The following MUC5B variants were observed in gnomAD, a reference collection of about 807,000 sequenced individuals.
The protein encoded by MUC5B is mucin-5B.
A neutral mutation model predicts 376.9 loss-of-function variants in MUC5B; 116 were observed. That is an observed-to-expected ratio of 0.31 (90% CI 0.26 to 0.36). The LOEUF (loss-of-function observed/expected upper bound fraction) is 0.36, where lower values mean the gene tolerates loss of function less well. Ranked by LOEUF, MUC5B falls within the 10% of genes least tolerant of loss-of-function variation. The pLI is 1.00. For missense variants in MUC5B, 7,165 were observed against 7,769.9 expected (o/e 0.92, Z 2.93); for synonymous variants, 3,517 against 3,390.9 (o/e 1.04, Z -1.29).
Position 1,234,401 on chromosome 11 carries a change from C to A in MUC5B, c.2478+96C>A. On this transcript the variant is annotated intron_variant, in intron 20 of 48. Transcript: ENST00000529681. This position sits in a 1 kb window ranked among gnomAD's most constrained non-coding sequence, Gnocchi z 6.3. ...ATCTGGTGGTCCTGGAGACACTTAC[C>A]CACCTGGAAGCTCCGCCCTGGCCCA... 5 of 1,496,282 alleles carry A rather than the reference C, an allele frequency of 3.3e-6. No individual in the cohort carries two copies. Among genetic ancestry groups the A allele is most frequent in the Non-Finnish European group, 3.6e-6 (4 of 1,104,222 alleles). 92.7% of individuals were successfully genotyped at this position (1,496,282 alleles called of 1,614,324 possible).
rs766572085 is a variant in MUC5B at position 1,247,750 on chromosome 11, G to C, written c.10870G>C (p.Gly3624Arg). 12 of 1,607,016 alleles carry C rather than the reference G, an allele frequency of 7.5e-6. No individual in the cohort carries two copies. The South Asian group carries it at 1.3e-4, about 18-fold the overall frequency. The change falls in exon 31 of 49, where the codon GGT becomes CGT. Residue 3624 changes from glycine to arginine, a missense_variant. Physicochemically the swap from Gly to Arg is moderately radical, Grantham distance 125. Transcript: ENST00000529681. ...GLECRAQAQP[G>R]VPLRELGQVV... ...CGAGTGCCGTGCCCAGGCCCAGCCTGGTGTCCCCCTGCGGGAGTTGGGCCA... is the reference window on the plus strand; with the variant it reads ...CGAGTGCCGTGCCCAGGCCCAGCCTCGTGTCCCCCTGCGGGAGTTGGGCCA...
In MUC5B at chr11:1,246,985, G is replaced by A. The variant is rs924281184; in HGVS notation, c.10105G>A (p.Val3369Met). ...AGTGCTGACCACCACCACCACAACT[G>A]TGGCCACTGGTTCTATGGCAACACC... ...ATVLTTTTTT[V>M]ATGSMATPSS... is the part of the protein sequence containing the mutation. The change falls in exon 31 of 49, where the codon GTG (valine) becomes ATG (methionine). Residue 3369 changes from valine (V) to methionine (M), a missense_variant. Val to Met is a conservative substitution (Grantham distance 21). This residue lies in a region of MUC5B where 939 missense variants were observed against 770.6 expected (regional missense o/e 1.22). Coordinates refer to ENST00000529681, the MANE Select transcript of MUC5B (RefSeq NM_002458.3). 2.1e-5 allele frequency: 33 copies of A among 1,570,134 alleles called. No homozygotes were observed. The Admixed American group carries it at 4.6e-4, about 22-fold the overall frequency.
Position 1,242,416 on chromosome 11 carries a change from G to A in MUC5B, c.5536G>A (p.Val1846Met). 6.2e-7 allele frequency: 1 copy of A among 1,613,836 alleles called. No homozygotes were observed. Among genetic ancestry groups the A allele is most frequent in the African/African-American group, 1.3e-5 (1 of 74,986 alleles). The part of the protein sequence containing the change: ...PEVSIDQVGQ[V>M]LTCSLETGLT... ...GGTAAGCATCGACCAGGTCGGGCAG[G>A]TGCTGACCTGCAGCCTGGAGACGGG... The change falls in exon 31 of 49, where the codon GTG (valine) becomes ATG (methionine). Residue 1846 changes from valine to methionine, a missense_variant. Transcript: ENST00000529681.
chr11:1,229,628 T>C (rs1861975165), intron 9 of MUC5B, 62 bp from the exon 10 acceptor site: 2 of 1,385,900 alleles, frequency 1.4e-6, no homozygotes, highest in Non-Finnish European at 2.0e-6. Context: ...CCAAGGCCGG[T>C]GTCTTCTGAC....
chr11:1,260,615 C>T lies in MUC5B; in HGVS notation c.16967-11C>T, dbSNP rs746778995. On this transcript the variant is annotated splice_polypyrimidine_tract_variant and intron_variant, in intron 47 of 48. Coordinates refer to ENST00000529681, the MANE Select transcript of MUC5B (RefSeq NM_002458.3). Reference sequence around the variant, plus strand: ...CCAGTGGGGCTCCACATCTGCCTTTCCTCCTCCCAGACTCCTGTCAAGTCC... The same window carrying T: ...CCAGTGGGGCTCCACATCTGCCTTTTCTCCTCCCAGACTCCTGTCAAGTCC... The T allele has an allele frequency of 1.9e-6, 3 of 1,609,438 alleles. No homozygotes were observed. The South Asian group carries it at 3.3e-5, about 18-fold the overall frequency.
intron 38 of MUC5B, 87 bp downstream of exon 38, chr11:1,256,312 C>A: frequency 1.5e-6 from 1 of 685,614 alleles, no homozygotes; most frequent in Non-Finnish European, 2.7e-6. Context: ...GAGGGTGTCC[C>A]ACTGTGGGCC....
chr11:1,239,534 G>T lies in MUC5B; in HGVS notation c.3551G>T (p.Gly1184Val). 1.3e-6 allele frequency: 2 copies of T among 1,596,414 alleles called. No homozygotes were observed. The highest frequency in any genetic ancestry group is 2.2e-5 in the South Asian group (2 of 89,534). ...PCLKTCRNPS[G>V]HCLVDLPGLE... The stretch of plus-strand genomic sequence containing the variant: ...CTAAAAACCTGCCGGAACCCCAGTG[G>T]GCACTGCCTGGTGGACCTGCCTGGC... The change falls in exon 27 of 49, where the codon GGG (glycine) becomes GTG (valine). Residue 1184 changes from glycine (G) to valine (V), a missense_variant. By Grantham distance (109) the Gly-to-Val change is moderately radical (BLOSUM62 -3). Transcript: ENST00000529681.
Position 1,240,221 on chromosome 11 carries a change from C to A in MUC5B, c.3816C>A (p.Asp1272Glu). 1 of 1,612,856 alleles carries A rather than the reference C, an allele frequency of 6.2e-7. No homozygotes were observed. Among genetic ancestry groups the A allele is most frequent in the Non-Finnish European group, 8.5e-7 (1 of 1,179,156 alleles). ...AGGACAGGACCTACAGCTACCAGGA[C>A]GTCATCTACAACACCACCGATGGGC... is the stretch of plus-strand genomic sequence containing the variant. Reference protein sequence around the residue: ...TYEDRTYSYQDVIYNTTDGLG... With the variant: ...TYEDRTYSYQEVIYNTTDGLG... Residue 1272 changes from aspartate to glutamate, a missense_variant, in exon 30 of 49, where the codon GAC (aspartate) becomes GAA (glutamate). By Grantham distance (45) the Asp-to-Glu change is conservative. Transcript: ENST00000529681.
intron 3 of MUC5B, 115 bp from the exon 4 acceptor site, chr11:1,226,500 A>G: frequency 1.4e-6 from 2 of 1,417,514 alleles, no homozygotes; most frequent in South Asian, 2.7e-5. Flanking sequence ...GGCAGGGCAC[A>G]GCCAGCAGCC....
intron 14 of MUC5B, among the ~76,000 whole-genome samples, 172 bp downstream of exon 14, chr11:1,231,732 G>A (rs975209859): frequency 1.2e-4 from 18 of 152,332 alleles, no homozygotes; most frequent in Middle Eastern, 3.4e-3. Context: ...TGGACCAGCG[G>A]CCCCGGAAGC....
chr11:1,224,057 G>T (rs535285017), intron 1 of MUC5B, among the ~76,000 whole-genome samples: 1 of 152,212 alleles, frequency 6.6e-6, no homozygotes, highest in Non-Finnish European at 1.5e-5. Context: ...GCCTGGGCCC[G>T]GGGGGAGCTG....
Position 1,242,976 on chromosome 11 carries a change from C to A in MUC5B, c.6096C>A (p.Ala2032=). The A allele has an allele frequency of 1.2e-6, 2 of 1,613,294 alleles. No individual in the cohort carries two copies. Among genetic ancestry groups the A allele is most frequent in the Non-Finnish European group, 1.7e-6 (2 of 1,179,444 alleles). ...CCGCCACGGCCACCACAACTGGGGC[C>A]ACCGGCTCTGTGGCCACCCCCTCCT... ...VLTATATTTG[A]TGSVATPSST... The change falls in exon 31 of 49, where the codon GCC becomes GCA. Residue 2032 remains alanine (A), a synonymous_variant. Coordinates refer to ENST00000529681, the MANE Select transcript of MUC5B (RefSeq NM_002458.3).
rs371217175 is a variant in MUC5B, at chr11:1,246,476, C to G, written c.9596C>G (p.Thr3199Arg). 3.7e-6 allele frequency: 6 copies of G among 1,613,540 alleles called. No homozygotes were observed. The highest frequency in any genetic ancestry group is 5.1e-6 in the Non-Finnish European group (6 of 1,179,718). Residue 3199 changes from threonine to arginine, a missense_variant, in exon 31 of 49, where the codon ACG (threonine) becomes AGG (arginine). This residue lies in a region of MUC5B where 939 missense variants were observed against 770.6 expected (regional missense o/e 1.22). Coordinates refer to ENST00000529681, the MANE Select transcript of MUC5B (RefSeq NM_002458.3). ...TAGTLKVLTS[T>R]ATTPTVISSR... The stretch of plus-strand genomic sequence containing the variant: ...GGCACCCTCAAAGTGCTGACCAGCA[C>G]GGCCACCACACCCACAGTCATCAGC...
Position 1,247,486 on chromosome 11 carries a change from A to G in MUC5B, c.10606A>G (p.Thr3536Ala). 1 of 1,607,090 alleles carries G rather than the reference A, an allele frequency of 6.2e-7. No homozygotes were observed. Among genetic ancestry groups the G allele is most frequent in the Non-Finnish European group, 8.5e-7 (1 of 1,177,314 alleles). ...GACCACCCCGGGCCACACCAGGGGC[A>G]CCTCCAGGACCACAGCCACAGCCAC... ...GTTTPGHTRGTSRTTATATPS... is the reference protein window; with the variant it reads ...GTTTPGHTRGASRTTATATPS... Residue 3536 changes from threonine to alanine, a missense_variant, in exon 31 of 49, where the codon ACC becomes GCC. Physicochemically the swap from Thr to Ala is moderately conservative, Grantham distance 58 (BLOSUM62 0). Coordinates refer to ENST00000529681, the MANE Select transcript of MUC5B (RefSeq NM_002458.3).
intron 15 of MUC5B, 90 bp from the exon 16 acceptor site, chr11:1,232,360 G>GT: frequency 1.4e-6 from 2 of 1,450,092 alleles, no homozygotes; most frequent in East Asian, 2.5e-5. Context: ...CCAACTCACT[G>GT]TTCCCCGGGC....
intron 14 of MUC5B, 42 bp from the exon 15 acceptor site, chr11:1,231,954 G>T: frequency 6.2e-7 from 1 of 1,610,726 alleles, no homozygotes. Context: ...AGCCAGGTGG[G>T]CCCAACAGTG....
In MUC5B at chr11:1,257,229, T is replaced by A; in HGVS notation, c.16238-11T>A. The A allele has an allele frequency of 1.3e-6, 1 of 779,724 alleles. No individual in the cohort carries two copies. Among genetic ancestry groups the A allele is most frequent in the South Asian group, 1.3e-5 (1 of 74,624 alleles). The allele number at this position is 779,724 out of a possible 1,614,324, so 48.3% of individuals were successfully genotyped here. A position where few individuals can be genotyped will look rare whatever the true frequency, so the allele number is the denominator to read the frequency against. On this transcript the variant is annotated splice_polypyrimidine_tract_variant and intron_variant, in intron 39 of 48. Transcript: ENST00000529681. This position sits in a 1 kb window ranked among gnomAD's most constrained non-coding sequence, Gnocchi z 8.9. The stretch of plus-strand genomic sequence containing the variant: ...AGCACCCTCCGTGATGCCATGCTGT[T>A]TTCTTTCCAGCCTGCGTGGGACCCG...
chr11:1,224,607 G>A (rs1861839886), intron 1 of MUC5B, among the ~76,000 whole-genome samples: 1 of 151,412 alleles, frequency 6.6e-6, no homozygotes, highest in African/African-American at 2.4e-5. Flanking sequence ...GGGGCTGCCT[G>A]CGGCGGGAGC....
At position 1,251,312 on chromosome 11, in the gene MUC5B, C is replaced by A. The variant is rs529528785; in HGVS notation, c.14432C>A (p.Ser4811Tyr). 1 of 1,611,300 alleles carries A rather than the reference C, an allele frequency of 6.2e-7. No individual in the cohort carries two copies. Among genetic ancestry groups the A allele is most frequent in the African/African-American group, 1.3e-5 (1 of 74,936 alleles). The change falls in exon 31 of 49, where the codon TCC (serine) becomes TAC (tyrosine). Residue 4811 changes from serine (S) to tyrosine (Y), a missense_variant. Coordinates refer to ENST00000529681, the MANE Select transcript of MUC5B (RefSeq NM_002458.3). ...ACCAATTCCACGGCCACACCCTCCT[C>A]CACTCTGGGGACGACCCGGATCCTC... ...RATNSTATPS[S>Y]TLGTTRILTE...
Sources: allele counts gnomAD v4.1 joint callset (sites outside exome capture counted in the v4.1 genomes callset), GRCh38; gene constraint gnomAD v4.1.1; regional missense constraint gnomAD v4.1.1; non-coding constraint Gnocchi (gnomAD v3.1); transcripts MANE v1.5; gene names NCBI Gene and HGNC (gene_info 2026-07-23, HGNC 2026-07-21).